SRGAP3: variants seen among roughly 807,000 people sequenced by gnomAD.
SRGAP3 encodes SLIT-ROBO Rho GTPase-activating protein 3.
SRGAP3 carries 39 observed loss-of-function variants against 121.1 expected under a neutral mutation model. The ratio of observed to expected loss-of-function variants is 0.32; its 90% confidence interval spans 0.25 to 0.42. SRGAP3 has a LOEUF of 0.42. Ranked by LOEUF, SRGAP3 falls within the 10% of genes least tolerant of loss-of-function variation. The pLI, the probability that SRGAP3 is intolerant of heterozygous loss-of-function variation, is 1.00. For synonymous variants in SRGAP3, 601 were observed against 570.0 expected, an observed-to-expected ratio of 1.05 and a Z score of -0.77; for missense variants, 1,213 against 1,470.6, an observed-to-expected ratio of 0.82 and a Z score of 2.86.
chr3:9,082,860 G>A (rs1391640931), intron 3 of SRGAP3, among the ~76,000 whole-genome samples: 6 of 152,120 alleles, frequency 3.9e-5, no homozygotes, highest in Non-Finnish European at 5.9e-5. Context: ...CTCAGCTTCC[G>A]GGCCTGGCTT....
chr3:9,291,156 GTATACA>G (rs1954862213), intron 3 of SRGAP3, among the ~76,000 whole-genome samples: 1 of 152,202 alleles, frequency 6.6e-6, no homozygotes, highest in Non-Finnish European at 1.5e-5. Flanking sequence ...ACATTGATGT[GTATACA>G]TGATCAATTC....
intron 3 of SRGAP3, among the ~76,000 whole-genome samples, chr3:9,307,828 C>T (rs1156943589): frequency 6.6e-6 from 1 of 152,152 alleles, no homozygotes; most frequent in Non-Finnish European, 1.5e-5. Flanking sequence ...TGGGATTGAA[C>T]AAATTTGCAC....
chr3:9,161,947 C>G (rs1950612878), intron 1 of SRGAP3, among the ~76,000 whole-genome samples: 1 of 152,160 alleles, frequency 6.6e-6, no homozygotes, highest in African/African-American at 2.4e-5. Context: ...ACTGGATGAA[C>G]AAGGTGTGCT....
chr3:9,330,006 T>C (rs1015254260), intron 2 of SRGAP3, among the ~76,000 whole-genome samples: 38 of 152,234 alleles, frequency 2.5e-4, no homozygotes, highest in African/African-American at 7.7e-4. Flanking sequence ...CTGCAAGTTA[T>C]CTTTAGTAAG....
In SRGAP3 at chr3:9,137,605, G is replaced by A. The variant is rs541105241; in HGVS notation, c.68-12688C>T. On this transcript the variant is annotated intron_variant, in intron 1 of 21. Coordinates refer to ENST00000383836, the MANE Select transcript of SRGAP3 (RefSeq NM_014850.4). ...GAATTAGCATTGGATATACATGCACGGCTGAAGAAATTAAAGAAAGGAGTC... is the reference window on the plus strand; with the variant it reads ...GAATTAGCATTGGATATACATGCACAGCTGAAGAAATTAAAGAAAGGAGTC... Among the ~76,000 whole-genome samples, 6 of 152,266 alleles carry A rather than the reference G, an allele frequency of 3.9e-5. No homozygotes were observed. In the South Asian group the frequency reaches 6.2e-4, roughly 16 times the overall value.
intron 3 of SRGAP3, among the ~76,000 whole-genome samples, chr3:9,277,643 G>A (rs1336019187): frequency 6.6e-5 from 10 of 150,632 alleles, no homozygotes; most frequent in Admixed American, 6.6e-4. Context: ...AGCCAGGTGT[G>A]GTGGCACACA....
At chr3:9,146,500 GAGA>G (rs1218419399) in intron 1 of SRGAP3, among the ~76,000 whole-genome samples, 3 of 152,202 alleles carry the variant, frequency 2.0e-5, no homozygotes, top group Non-Finnish European at 4.4e-5. Context: ...GCCAGTCTGG[GAGA>G]AGAAGTGGCC....
At chr3:9,349,438 C>A (rs2029939827) in intron 1 of SRGAP3, among the ~76,000 whole-genome samples, 1 of 152,212 alleles carries the variant, frequency 6.6e-6, no homozygotes, top group African/African-American at 2.4e-5. Flanking sequence ...TGGAAAGCTC[C>A]TCTTGTCCAA....
intron 3 of SRGAP3, among the ~76,000 whole-genome samples, chr3:9,269,266 G>A (rs1954429240): frequency 6.6e-6 from 1 of 152,174 alleles, no homozygotes; most frequent in East Asian, 1.9e-4. Flanking sequence ...CACTTCCCAA[G>A]GAGGACCAAA....
chr3:8,993,001 A>G lies in SRGAP3; in HGVS notation c.2463T>C (p.Ser821=). 6.2e-7 allele frequency: 1 copy of G among 1,614,244 alleles called. No homozygotes were observed. The highest frequency in any genetic ancestry group is 8.5e-7 in the Non-Finnish European group (1 of 1,180,048). Residue 821 remains serine (S), a synonymous_variant, in exon 20 of 22, where the codon AGT becomes AGC. Coordinates refer to ENST00000383836, the MANE Select transcript of SRGAP3 (RefSeq NM_014850.4). ...AGGCCTTGTCATCCAGCAATGGCCC[A>G]CTGCTGGCCTCGCTGTCAGCCTTCT... ...LSQKADSEAS[S]GPLLDDKASS...
chr3:9,058,177 A>G (rs554084940), intron 7 of SRGAP3, 74 bp downstream of exon 7: 1 of 1,501,876 alleles, frequency 6.7e-7, no homozygotes, highest in East Asian at 2.3e-5. Flanking sequence ...ACGTGCAACC[A>G]GGGATGATGT....
chr3:9,179,710 A>G (rs1437498215), intron 1 of SRGAP3, among the ~76,000 whole-genome samples: 1 of 152,262 alleles, frequency 6.6e-6, no homozygotes, highest in Non-Finnish European at 1.5e-5. Flanking sequence ...GAGAGAATCA[A>G]CCGAGGGCAT....
At chr3:9,177,026 T>G (rs147041179) in intron 1 of SRGAP3, among the ~76,000 whole-genome samples, 297 of 152,360 alleles carry the variant, frequency 1.9e-3, no homozygotes, top group Middle Eastern at 6.8e-3. Flanking sequence ...GCTAATGCCT[T>G]GATTTTCCTA....
chr3:9,036,393 T>C (rs1162478886), intron 11 of SRGAP3: 2 of 152,256 alleles, frequency 1.3e-5, no homozygotes, highest in Non-Finnish European at 2.9e-5. Flanking sequence ...GTCTTTGACC[T>C]TGACCAGGAA....
Position 9,175,518 on chromosome 3 carries a change from A to T in SRGAP3, c.68-50601T>A, listed in dbSNP as rs577865813. Among the ~76,000 whole-genome samples, 16 of 152,336 alleles carry T rather than the reference A, an allele frequency of 1.1e-4. 1 individual carries two copies. The East Asian group carries it at 3.1e-3, about 29-fold the overall frequency. ...GGAAGACACAGCTGGATGGTCCCAG[A>T]AGGACCCAGCACGGGGAGCCCTCAA... is the stretch of plus-strand genomic sequence containing the variant. On this transcript the variant is annotated intron_variant, in intron 1 of 21. Transcript: ENST00000383836.
intron 3 of SRGAP3, among the ~76,000 whole-genome samples, chr3:9,305,350 C>G (rs932337158): frequency 2.2e-4 from 31 of 143,272 alleles, no homozygotes; most frequent in Non-Finnish European, 3.6e-4. Flanking sequence ...ACAGCCCTCA[C>G]AGGAGGTCCT....
intron 18 of SRGAP3, among the ~76,000 whole-genome samples, chr3:8,998,085 A>G (rs1942521502): frequency 6.6e-6 from 1 of 152,122 alleles, no homozygotes; most frequent in African/African-American, 2.4e-5. Flanking sequence ...GTCTCACTAC[A>G]GCCTGGGGGA....
At chr3:9,344,326 G>A (rs1955846077) in intron 1 of SRGAP3, among the ~76,000 whole-genome samples, 1 of 152,184 alleles carries the variant, frequency 6.6e-6, no homozygotes, top group African/African-American at 2.4e-5. Context: ...ATTGTGGTGG[G>A]TGCCTGTAAT....
At chr3:9,170,305 G>A (rs1476858696) in intron 1 of SRGAP3, among the ~76,000 whole-genome samples, 2 of 152,192 alleles carry the variant, frequency 1.3e-5, no homozygotes, top group African/African-American at 2.4e-5. Flanking sequence ...ATACACTTGA[G>A]ACTTGGTAAC....
Sources: allele counts gnomAD v4.1 joint callset (sites outside exome capture counted in the v4.1 genomes callset), GRCh38; gene constraint gnomAD v4.1.1; transcripts MANE v1.5; gene names NCBI Gene and HGNC (gene_info 2026-07-23, HGNC 2026-07-21).